The following FBRSL1 variants were observed in gnomAD, a reference collection of about 807,000 sequenced individuals.
The protein encoded by FBRSL1 is fibrosin-1-like protein.
FBRSL1 carries 51 observed loss-of-function variants against 89.6 expected under a neutral mutation model. The ratio of observed to expected loss-of-function variants is 0.57; its 90% CI spans 0.45 to 0.72. FBRSL1 has a LOEUF of 0.72. FBRSL1 is among the 30% of genes least tolerant of loss of function. The probability of loss-of-function intolerance (pLI) is 0.00; values close to 1 mark genes in which losing one functional copy is unlikely to be tolerated. For synonymous variants in FBRSL1, 779 were observed against 681.1 expected (o/e 1.14, Z -2.24); for missense variants, 1,618 against 1,451.8 (o/e 1.11, Z -1.86).
At chr12:132,500,575 C>T (rs982892893) in intron 1 of FBRSL1, among the ~76,000 whole-genome samples, 2 of 152,162 alleles carry the variant, frequency 1.3e-5, no homozygotes, top group African/African-American at 2.4e-5. Context: ...GTCCTGGCCC[C>T]TCCACCCACC....
chr12:132,522,250 G>GCAC (rs1426049975), intron 2 of FBRSL1, among the ~76,000 whole-genome samples: 2 of 152,138 alleles, frequency 1.3e-5, no homozygotes, highest in Non-Finnish European at 2.9e-5. Flanking sequence ...AGGCCAGGCC[G>GCAC]CACCTGAGCC....
rs570780545 is a variant in FBRSL1, at chr12:132,546,800, T to C, written c.616-1203T>C. On this transcript the variant is annotated intron_variant, in intron 4 of 18. Coordinates refer to ENST00000680143, the MANE Select transcript of FBRSL1 (RefSeq NM_001367871.1). This position sits in a 1 kb window ranked among gnomAD's most constrained non-coding sequence, Gnocchi z 4.0. ...GAGCCACCTGGAGTGTGACTCGTCA[T>C]GCGCTGGGAGCAGCACGTTCTCGCT... Among the ~76,000 whole-genome samples the C allele has an allele frequency of 6.6e-5, 10 of 152,212 alleles. No homozygotes were observed. Among genetic ancestry groups the C allele is most frequent in the Non-Finnish European group, 1.0e-4 (7 of 68,018 alleles).
chr12:132,538,333 C>T (rs1012423006), intron 4 of FBRSL1, among the ~76,000 whole-genome samples: 2 of 152,220 alleles, frequency 1.3e-5, no homozygotes, highest in African/African-American at 4.8e-5. Flanking sequence ...GGGCCAGAGG[C>T]AGGGGTGCCA....
chr12:132,511,909 G>C, intron 2 of FBRSL1: 5 of 984,600 alleles, frequency 5.1e-6, no homozygotes, highest in Non-Finnish European at 6.0e-6. Flanking sequence ...TTATTTTTCT[G>C]ATTAAAGAAA....
At chr12:132,517,782 G>A (rs2034977202) in intron 2 of FBRSL1, among the ~76,000 whole-genome samples, 3 of 152,164 alleles carry the variant, frequency 2.0e-5, no homozygotes, top group Non-Finnish European at 1.5e-5. Flanking sequence ...TTAAGCCAGG[G>A]AACAACGTGA....
In FBRSL1 at chr12:132,585,160, C is replaced by G. The variant is rs922012821; in HGVS notation, c.*1382C>G. On this transcript the variant is annotated 3_prime_UTR_variant, in exon 19 of 19. Coordinates refer to ENST00000680143, the MANE Select transcript of FBRSL1 (RefSeq NM_001367871.1). Reference sequence around the variant, plus strand: ...ATTCTGTTCCCATGTCAATCAGTGACGATAAATACAGCCTTGATTTGGATG... The same window carrying G: ...ATTCTGTTCCCATGTCAATCAGTGAGGATAAATACAGCCTTGATTTGGATG... 6.7e-6 allele frequency: 1 copy of G among 148,706 alleles called. No individual in the cohort carries two copies. The highest frequency in any genetic ancestry group is 1.5e-5 in the Non-Finnish European group (1 of 68,038). The allele number at this position is 148,706 out of a possible 1,614,324, so 9.2% of individuals were successfully genotyped here.
intron 1 of FBRSL1, 47 bp downstream of exon 1, chr12:132,490,908 C>A (rs1284364324): frequency 8.4e-6 from 10 of 1,185,256 alleles, no homozygotes; most frequent in Non-Finnish European, 8.6e-6. Context: ...GAGAACGGGG[C>A]CCGGAGTTGA....
At chr12:132,495,684 T>A (rs1289609966) in intron 1 of FBRSL1, among the ~76,000 whole-genome samples, 2 of 152,200 alleles carry the variant, frequency 1.3e-5, no homozygotes, top group Non-Finnish European at 2.9e-5. Flanking sequence ...CATGGATTCC[T>A]GTTCCTCCCA....
intron 4 of FBRSL1, among the ~76,000 whole-genome samples, chr12:132,531,000 G>T (rs1041242947): frequency 5.3e-5 from 8 of 150,886 alleles, no homozygotes; most frequent in South Asian, 4.2e-4. Context: ...AGTGTGGGGG[G>T]GGGGGTGCAG....
chr12:132,496,939 A>T (rs1353300996), intron 1 of FBRSL1, among the ~76,000 whole-genome samples: 3 of 151,262 alleles, frequency 2.0e-5, no homozygotes, highest in Non-Finnish European at 4.4e-5. Flanking sequence ...CTTCCTTCCC[A>T]GGCCCTGCGG....
chr12:132,523,147 C>T (rs1359896488), intron 2 of FBRSL1, among the ~76,000 whole-genome samples: 1 of 152,090 alleles, frequency 6.6e-6, no homozygotes, highest in African/African-American at 2.4e-5. Flanking sequence ...TGATCTTGTC[C>T]CTCCAGCTCC....
intron 1 of FBRSL1, among the ~76,000 whole-genome samples, chr12:132,493,213 A>G (rs1005152986): frequency 2.2e-4 from 34 of 152,158 alleles, no homozygotes; most frequent in African/African-American, 8.2e-4. Flanking sequence ...GGCCACCAGG[A>G]CCCAGCCCAG....
At chr12:132,495,891 G>T (rs367982054) in intron 1 of FBRSL1, among the ~76,000 whole-genome samples, 1 of 152,236 alleles carries the variant, frequency 6.6e-6, no homozygotes, top group Non-Finnish European at 1.5e-5. Context: ...CTCTGGGAAG[G>T]GTTCCACGTC....
chr12:132,547,745 G>A (rs746698178), intron 4 of FBRSL1, among the ~76,000 whole-genome samples: 29 of 152,312 alleles, frequency 1.9e-4, no homozygotes, highest in South Asian at 4.1e-4. Flanking sequence ...TGTCCCCATC[G>A]CTGGCTAGTC....
intron 1 of FBRSL1, among the ~76,000 whole-genome samples, chr12:132,507,759 T>C (rs1362483956): frequency 6.6e-6 from 1 of 152,098 alleles, no homozygotes; most frequent in East Asian, 1.9e-4. Flanking sequence ...GGGTGTCCCC[T>C]GGAGAGGCTC....
chr12:132,530,995 G>GT (rs1555272330), intron 4 of FBRSL1, among the ~76,000 whole-genome samples: 4 of 36,646 alleles, frequency 1.1e-4, no homozygotes, highest in Non-Finnish European at 3.1e-4. Context: ...TGTCCAGTGT[G>GT]GGGGGGGGGG....
Position 132,530,999 on chromosome 12 carries a change from G to C in FBRSL1, c.615+3011G>C, listed in dbSNP as rs1241031643. On this transcript the variant is annotated intron_variant, in intron 4 of 18. Transcript: ENST00000680143. ...CGGGCCCCTTGTGTCCAGTGTGGGG[G>C]GGGGGGTGCAGGTGAGAGCCCGGGG... Among the ~76,000 whole-genome samples, 26 of 150,466 alleles carry C rather than the reference G, an allele frequency of 1.7e-4. No individual in the cohort carries two copies. In the South Asian group the frequency reaches 4.0e-3, roughly 23 times the overall value.
chr12:132,554,124 T>A (rs1362654591), intron 5 of FBRSL1: 1 of 152,232 alleles, frequency 6.6e-6, no homozygotes, highest in Non-Finnish European at 1.5e-5. Flanking sequence ...ACGGGGCACC[T>A]CGGGGGTCCC....
chr12:132,544,856 GGGTGAT>G (rs1353726770), intron 4 of FBRSL1, among the ~76,000 whole-genome samples: 1 of 151,972 alleles, frequency 6.6e-6, no homozygotes, highest in Non-Finnish European at 1.5e-5. Flanking sequence ...ACGGTGATGA[GGGTGAT>G]GGTGATGAGG....
Sources: gnomAD v4.1 joint callset for allele counts (sites outside exome capture counted in the v4.1 genomes callset) on GRCh38, gnomAD v4.1.1 for gene constraint, Gnocchi (gnomAD v3.1) non-coding constraint, MANE v1.5 for transcripts, NCBI Gene and HGNC (gene_info 2026-07-23, HGNC 2026-07-21) for gene names.